Variants in PTPRN2 observed in about 807,000 individuals in gnomAD.
PTPRN2 encodes the protein receptor-type tyrosine-protein phosphatase N2.
A neutral mutation model predicts 118.8 loss-of-function variants in PTPRN2; 74 were observed. The observed-to-expected ratio is 0.62, with a 90% CI of 0.52 to 0.76. The LOEUF (loss-of-function observed/expected upper bound fraction) is 0.76. Among genes scored for constraint, PTPRN2 ranks in the 30% least tolerant of loss-of-function variants. PTPRN2 has a pLI of 0.00. For synonymous variants in PTPRN2, 641 were observed against 608.0 expected (o/e 1.05, Z -0.80); for missense variants, 1,481 against 1,394.4 (o/e 1.06, Z -0.99).
chr7:158,049,220 T>C (rs1242135024), intron 11 of PTPRN2, among the ~76,000 whole-genome samples: 1 of 4,026 alleles, frequency 2.5e-4, no homozygotes, highest in African/African-American at 1.2e-3. Context: ...TCATCATCAT[T>C]GTCATCAGCA....
intron 2 of PTPRN2, among the ~76,000 whole-genome samples, chr7:158,356,664 C>T (rs1401886698): frequency 6.6e-6 from 1 of 152,074 alleles, no homozygotes; most frequent in Admixed American, 6.6e-5. Context: ...ATGCTGAGCG[C>T]TGTGCGTAAA....
chr7:158,571,692 C>T (rs1035077563), intron 1 of PTPRN2, among the ~76,000 whole-genome samples: 3 of 151,892 alleles, frequency 2.0e-5, no homozygotes, highest in African/African-American at 7.3e-5. Context: ...TGTTGGCATA[C>T]TTCTGGGGTC....
chr7:158,522,344 ACAATGGTGGACTGTCCAGGTGCTGGC>A (rs1563389853), intron 1 of PTPRN2, among the ~76,000 whole-genome samples: 2 of 125,720 alleles, frequency 1.6e-5, no homozygotes, highest in African/African-American at 6.4e-5. Context: ...GGTCCACGTC[ACAATGGTGGACTGTCCAGGTGCTGGC>A]TCGGGAGGGA....
chr7:158,151,166 GCCCGCCT>G (rs1821048371), intron 6 of PTPRN2, among the ~76,000 whole-genome samples: 4 of 15,580 alleles, frequency 2.6e-4, no homozygotes, highest in Non-Finnish European at 3.0e-4. Context: ...TGCCCACACC[GCCCGCCT>G]TTCTGCTCCT....
At chr7:158,236,047 C>T (rs1183688379) in intron 3 of PTPRN2, among the ~76,000 whole-genome samples, 2 of 152,028 alleles carry the variant, frequency 1.3e-5, no homozygotes, top group African/African-American at 4.8e-5. Context: ...AAGGAGAATC[C>T]CAGAACTCCC....
chr7:157,933,055 A>T (rs1281778451), intron 11 of PTPRN2, among the ~76,000 whole-genome samples: 1 of 147,532 alleles, frequency 6.8e-6, no homozygotes, highest in East Asian at 2.1e-4. Flanking sequence ...GGGGTGAGTC[A>T]GTCTGACTGG....
At chr7:157,979,063 G>GCAA (rs1175904959) in intron 11 of PTPRN2, among the ~76,000 whole-genome samples, 2 of 152,114 alleles carry the variant, frequency 1.3e-5, no homozygotes, top group African/African-American at 4.8e-5. Context: ...CAGGCCTACT[G>GCAA]CACCTGCTTG....
At chr7:157,765,606 A>G (rs1364062940) in intron 12 of PTPRN2, among the ~76,000 whole-genome samples, 1 of 109,604 alleles carries the variant, frequency 9.1e-6, no homozygotes, top group Non-Finnish European at 1.9e-5. Context: ...CCATCCATCC[A>G]CCCACCTACC....
chr7:157,809,406 G>A (rs368707472), intron 12 of PTPRN2, among the ~76,000 whole-genome samples: 3 of 152,152 alleles, frequency 2.0e-5, no homozygotes, highest in East Asian at 1.9e-4. Context: ...AAGGAGCCCC[G>A]CGCCACCCCC....
intron 2 of PTPRN2, among the ~76,000 whole-genome samples, chr7:158,325,243 A>G (rs921615): frequency 0.39 from 59,902 of 151,846 alleles, 12,023 homozygotes; most frequent in Middle Eastern, 0.46. Flanking sequence ...AACGCCGTGA[A>G]CACGACCAGC....
intron 11 of PTPRN2, among the ~76,000 whole-genome samples, chr7:157,916,270 G>T (rs1798387841): frequency 6.6e-6 from 1 of 152,142 alleles, no homozygotes; most frequent in Non-Finnish European, 1.5e-5. Context: ...TGGGTCAGAG[G>T]GTCTCACCCC....
intron 21 of PTPRN2, 25 bp from the exon 22 acceptor site, chr7:157,549,044 G>A: frequency 6.2e-7 from 1 of 1,608,364 alleles, no homozygotes; most frequent in South Asian, 1.1e-5. Flanking sequence ...AAATTGGGCT[G>A]AGTTCAGAGC....
intron 11 of PTPRN2, among the ~76,000 whole-genome samples, chr7:158,064,465 G>A (rs370894025): frequency 2.0e-5 from 3 of 152,150 alleles, no homozygotes; most frequent in Non-Finnish European, 4.4e-5. Flanking sequence ...GGAGCCGGGG[G>A]AGCCTGGGGA....
chr7:158,387,199 C>A (rs565235730), intron 2 of PTPRN2, among the ~76,000 whole-genome samples: 70 of 152,318 alleles, frequency 4.6e-4, no homozygotes, highest in African/African-American at 1.7e-3. Context: ...GGCTTCAGGG[C>A]CCACACGGAC....
intron 2 of PTPRN2, among the ~76,000 whole-genome samples, chr7:158,443,659 A>G (rs1817524499): frequency 6.6e-6 from 1 of 152,086 alleles, no homozygotes; most frequent in Non-Finnish European, 1.5e-5. Context: ...CAAGCGTGCG[A>G]GCTGCTTGTC....
chr7:158,192,633 G>A (rs1825871605), intron 4 of PTPRN2, 138 bp from the exon 5 acceptor site: 3 of 1,001,148 alleles, frequency 3.0e-6, no homozygotes, highest in Non-Finnish European at 4.2e-6. Context: ...GCTGCTCCAT[G>A]ACCATGGGTT....
intron 11 of PTPRN2, among the ~76,000 whole-genome samples, chr7:157,957,735 G>A (rs1048766145): frequency 6.6e-6 from 1 of 151,848 alleles, no homozygotes; most frequent in Admixed American, 6.6e-5. Context: ...GAGTGAGTAA[G>A]GAGACTGAAA....
At chr7:158,527,253 GC>G (rs1366443883) in intron 1 of PTPRN2, among the ~76,000 whole-genome samples, 3 of 151,706 alleles carry the variant, frequency 2.0e-5, no homozygotes, top group African/African-American at 7.3e-5. Flanking sequence ...AGCTCCCCAG[GC>G]CTCCTCCCCA....
intron 15 of PTPRN2, chr7:157,616,209 T>A (rs1274636114): frequency 6.5e-6 from 1 of 154,084 alleles, no homozygotes; most frequent in African/African-American, 2.4e-5. Flanking sequence ...ACCTATCGGT[T>A]CAGTTTTAAG....
Sources: allele counts gnomAD v4.1 joint callset (sites outside exome capture counted in the v4.1 genomes callset), GRCh38; gene constraint gnomAD v4.1.1; transcripts MANE v1.5; gene names NCBI Gene and HGNC (gene_info 2026-07-23, HGNC 2026-07-21).